Variants in NKAIN3 observed in about 807,000 individuals in gnomAD.
The protein encoded by NKAIN3 is sodium/potassium transporting ATPase interacting 3, also known as sodium/potassium-transporting ATPase subunit beta-1-interacting protein 3.
In NKAIN3, 25 loss-of-function variants were observed where a neutral mutation model predicts 30.2. The ratio of observed to expected loss-of-function variants is 0.83; its 90% CI spans 0.60 to 1.16. NKAIN3 has a LOEUF of 1.16. Ranked by LOEUF, NKAIN3 falls within the 50% of genes most tolerant of loss-of-function variation. NKAIN3 has a pLI of 0.00. For synonymous variants in NKAIN3, 91 were observed against 89.6 expected, an observed-to-expected ratio of 1.02 and a Z score of -0.09; for missense variants, 225 against 254.1, an observed-to-expected ratio of 0.89 and a Z score of 0.78.
At chr8:62,896,643 C>G (rs536873683) in intron 4 of NKAIN3, among the ~76,000 whole-genome samples, 1 of 152,230 alleles carries the variant, frequency 6.6e-6, no homozygotes, top group East Asian at 1.9e-4. Flanking sequence ...TTTTTTAAGT[C>G]CACTGTTAGC....
At chr8:62,680,266 A>G (rs1813609501) in intron 3 of NKAIN3, among the ~76,000 whole-genome samples, 1 of 152,186 alleles carries the variant, frequency 6.6e-6, no homozygotes, top group Non-Finnish European at 1.5e-5. Context: ...CAAAGCCTCC[A>G]GGAGAAAAAC....
chr8:62,428,056 T>G (rs1337611417), intron 1 of NKAIN3, among the ~76,000 whole-genome samples: 3 of 151,642 alleles, frequency 2.0e-5, no homozygotes, highest in Non-Finnish European at 4.4e-5. Flanking sequence ...CAGGAGATTA[T>G]TTTTTTTAGC....
intron 1 of NKAIN3, among the ~76,000 whole-genome samples, chr8:62,398,876 G>C (rs1386947921): frequency 6.6e-6 from 1 of 152,224 alleles, no homozygotes; most frequent in African/African-American, 2.4e-5. Flanking sequence ...CAGATCACGA[G>C]GTCAGGAGAT....
At chr8:62,625,153 T>C (rs927435208) in intron 3 of NKAIN3, among the ~76,000 whole-genome samples, 5 of 152,146 alleles carry the variant, frequency 3.3e-5, no homozygotes, top group South Asian at 2.1e-4. Flanking sequence ...GCATTTGTTA[T>C]AACTTTTGGT....
intron 3 of NKAIN3, among the ~76,000 whole-genome samples, chr8:62,616,426 C>T (rs1198294617): frequency 4.4e-4 from 67 of 152,072 alleles, no homozygotes; most frequent in Non-Finnish European, 4.4e-5. Flanking sequence ...CTAAAGATTA[C>T]TGGTTTATTA....
intron 1 of NKAIN3, among the ~76,000 whole-genome samples, chr8:62,250,797 T>C (rs1337117514): frequency 6.6e-6 from 1 of 152,216 alleles, no homozygotes; most frequent in Admixed American, 6.5e-5. Context: ...ATGCAACTTA[T>C]TTGTCAAAGC....
At chr8:62,585,725 A>G (rs1320110525) in intron 2 of NKAIN3, among the ~76,000 whole-genome samples, 1 of 151,770 alleles carries the variant, frequency 6.6e-6, no homozygotes, top group Non-Finnish European at 1.5e-5. Context: ...GAGATTGGGA[A>G]CCCCTGCTTT....
intron 4 of NKAIN3, among the ~76,000 whole-genome samples, chr8:62,909,600 ACAGT>A (rs1352586292): frequency 1.3e-5 from 2 of 152,194 alleles, no homozygotes; most frequent in African/African-American, 4.8e-5. Flanking sequence ...GAACTACACA[ACAGT>A]CAGCCATCTA....
At chr8:62,855,741 G>T in intron 4 of NKAIN3, 4 of 1,428,562 alleles carry the variant, frequency 2.8e-6, no homozygotes, top group Non-Finnish European at 3.9e-6. Flanking sequence ...TTGTCCACCT[G>T]CTCTGGAGTT....
At chr8:62,731,737 G>A (rs1439907654) in intron 3 of NKAIN3, among the ~76,000 whole-genome samples, 2 of 152,132 alleles carry the variant, frequency 1.3e-5, no homozygotes, top group African/African-American at 4.8e-5. Flanking sequence ...ACTGAGTCAT[G>A]GTTTAAGATC....
intron 1 of NKAIN3, among the ~76,000 whole-genome samples, chr8:62,458,551 C>G (rs1258253389): frequency 6.6e-6 from 1 of 152,130 alleles, no homozygotes; most frequent in Admixed American, 6.5e-5. Context: ...GAATGCATGT[C>G]CTACAAGTCA....
At chr8:62,325,236 G>T (rs1384809538) in intron 1 of NKAIN3, among the ~76,000 whole-genome samples, 2 of 151,944 alleles carry the variant, frequency 1.3e-5, no homozygotes, top group African/African-American at 2.4e-5. Flanking sequence ...ACAATATTTG[G>T]TTTACCATTC....
chr8:62,842,774 T>G (rs1251997904), intron 4 of NKAIN3, among the ~76,000 whole-genome samples: 2 of 152,124 alleles, frequency 1.3e-5, no homozygotes, highest in African/African-American at 2.4e-5. Flanking sequence ...AACATTCTAT[T>G]CAATAAATTG....
intron 1 of NKAIN3, among the ~76,000 whole-genome samples, chr8:62,311,455 A>G (rs1814427628): frequency 6.6e-6 from 1 of 150,546 alleles, no homozygotes; most frequent in South Asian, 2.1e-4. Flanking sequence ...GACTAAGTTC[A>G]TTCTGAAAAT....
At chr8:62,263,269 C>T (rs558151010) in intron 1 of NKAIN3, among the ~76,000 whole-genome samples, 84 of 152,126 alleles carry the variant, frequency 5.5e-4, no homozygotes, top group African/African-American at 1.9e-3. Flanking sequence ...GTTTAAAATG[C>T]TCTTAGGAGA....
rs369019435 is a variant in NKAIN3, at chr8:62,977,502, G to T, written c.*12095G>T. Among the ~76,000 whole-genome samples, 1 of 151,674 alleles carries T rather than the reference G, an allele frequency of 6.6e-6. No individual in the cohort carries two copies. Among genetic ancestry groups the T allele is most frequent in the Admixed American group, 6.6e-5 (1 of 15,218 alleles). Reference sequence around the variant, plus strand: ...GATCGATTCAGCTATTGATACTTGTGTATGCTTCATGAAGTTCTCGTGCTG... The same window carrying T: ...GATCGATTCAGCTATTGATACTTGTTTATGCTTCATGAAGTTCTCGTGCTG... On this transcript the variant is annotated 3_prime_UTR_variant, in exon 7 of 7. Transcript: ENST00000623646.
At position 62,766,578 on chromosome 8, in the gene NKAIN3, C is replaced by T. The variant is rs189235343; in HGVS notation, c.471+19449C>T. 6.6e-5 allele frequency among the ~76,000 whole-genome samples: 10 copies of T among 152,190 alleles called. No individual in the cohort carries two copies. The East Asian group carries it at 1.9e-3, about 29-fold the overall frequency. On this transcript the variant is annotated intron_variant, in intron 4 of 6. Coordinates refer to ENST00000623646, the MANE Select transcript of NKAIN3 (RefSeq NM_001304533.3). The stretch of plus-strand genomic sequence containing the variant: ...AGATGCTGAAATGAAGACTTGAGTG[C>T]AGATCATTGATGTAGGAGGTGATCC...
chr8:62,657,848 C>T (rs1275998135), intron 3 of NKAIN3, among the ~76,000 whole-genome samples: 1 of 152,164 alleles, frequency 6.6e-6, no homozygotes, highest in Non-Finnish European at 1.5e-5. Context: ...CCCTTAGAGC[C>T]TGAAGTTCCT....
chr8:62,863,741 C>G, intron 4 of NKAIN3: 1 of 1,596,826 alleles, frequency 6.3e-7, no homozygotes, highest in Non-Finnish European at 8.6e-7. Context: ...TGCAACAAAT[C>G]TTTTCCCCTA....
Sources: gnomAD v4.1 joint callset for allele counts (sites outside exome capture counted in the v4.1 genomes callset) on GRCh38, gnomAD v4.1.1 for gene constraint, MANE v1.5 for transcripts, NCBI Gene and HGNC (gene_info 2026-07-23, HGNC 2026-07-21) for gene names.